PKD1L3: variants seen among roughly 807,000 people sequenced by gnomAD.
PKD1L3 encodes the protein polycystin-1-like protein 3.
PKD1L3 carries 239 observed loss-of-function variants against 184.1 expected under a neutral mutation model. The ratio of observed to expected loss-of-function variants is 1.30; its 90% CI spans 1.17 to 1.45. The LOEUF is 1.45. PKD1L3 is among the 40% of genes most tolerant of loss of function. PKD1L3 has a pLI of 0.00. For synonymous variants in PKD1L3, 996 were observed against 778.8 expected, an observed-to-expected ratio of 1.28 and a Z score of -4.64; for missense variants, 2,660 against 2,067.2, an observed-to-expected ratio of 1.29 and a Z score of -5.56.
At chr16:71,976,528 G>A (rs556171301) in intron 11 of PKD1L3, among the ~76,000 whole-genome samples, 57 of 151,178 alleles carry the variant, frequency 3.8e-4, no homozygotes, top group Admixed American at 6.6e-4. Context: ...AAGTGCTGGG[G>A]TTACAGGTAT....
intron 16 of PKD1L3, among the ~76,000 whole-genome samples, chr16:71,962,930 G>A (rs1239469763): frequency 2.0e-5 from 3 of 151,888 alleles, no homozygotes; most frequent in Admixed American, 6.6e-5. Flanking sequence ...TTTATTCCTA[G>A]ATATCTTAGT....
Position 71,986,453 on chromosome 16 carries a change from T to C in PKD1L3, c.602A>G (p.His201Arg), listed in dbSNP as rs1195411851. The C allele has an allele frequency of 3.0e-5, 46 of 1,551,648 alleles. No individual in the cohort carries two copies. The highest frequency in any genetic ancestry group is 3.4e-4 in the Middle Eastern group (2 of 5,960). The change falls in exon 5 of 30, where the codon CAT becomes CGT. Residue 201 changes from histidine (H) to arginine (R), a missense_variant. His to Arg is a conservative substitution (Grantham distance 29, BLOSUM62 0). Coordinates refer to ENST00000620267, the MANE Select transcript of PKD1L3 (RefSeq NM_181536.2). ...TACTGAAGGAAACTGGCTGATGGGA[T>C]GACACAGGGTCTTGGACTAAAAGAT... Reference protein sequence around the residue: ...LPAHLSKTLCHPISQFPSVLS... With the variant: ...LPAHLSKTLCRPISQFPSVLS...
At chr16:71,965,353 T>C (rs1175455519) in intron 15 of PKD1L3, among the ~76,000 whole-genome samples, 2 of 152,202 alleles carry the variant, frequency 1.3e-5, no homozygotes. Flanking sequence ...TGTGTACAGG[T>C]CTTGCAGTGG....
At chr16:71,967,877 G>C in intron 14 of PKD1L3, 29 bp downstream of exon 14, 1 of 1,515,440 alleles carries the variant, frequency 6.6e-7, no homozygotes, top group Middle Eastern at 1.7e-4. Context: ...AAGACACAAG[G>C]CAATGTGAAA....
rs761738186 is a variant in PKD1L3 at position 71,977,333 on chromosome 16, G to T, written c.1662C>A (p.Pro554=). 27 of 1,546,892 alleles carry T rather than the reference G, an allele frequency of 1.7e-5. No individual in the cohort carries two copies. The highest frequency in any genetic ancestry group is 2.2e-5 in the Non-Finnish European group (25 of 1,142,652). The change falls in exon 11 of 30, where the codon CCC becomes CCA. Residue 554 remains proline, a synonymous_variant. Transcript: ENST00000620267. ...SLIVSIDPDS[P]LLMTLYLGFQ... ...ACCCCAGGTAGAGTGTCATTAAAAG[G>T]GGACTGTCAGGATCTATGCTCACTA...
chr16:71,977,837 C>T (rs551673058), intron 10 of PKD1L3, among the ~76,000 whole-genome samples: 3 of 152,244 alleles, frequency 2.0e-5, no homozygotes, highest in South Asian at 2.1e-4. Context: ...TGCAGCAGTG[C>T]GATCTCAGCT....
At chr16:71,976,261 TG>T (rs2039917190) in intron 11 of PKD1L3, among the ~76,000 whole-genome samples, 1 of 129,588 alleles carries the variant, frequency 7.7e-6, no homozygotes, top group South Asian at 2.7e-4. Context: ...GTGCCCAGCC[TG>T]TCTTTTTTTT....
At chr16:71,936,506 C>G (rs2038181435) in intron 25 of PKD1L3, among the ~76,000 whole-genome samples, 3 of 146,980 alleles carry the variant, frequency 2.0e-5, no homozygotes, top group Non-Finnish European at 3.0e-5. Flanking sequence ...CCTGGCCAAT[C>G]ACTTTTTTTT....
intron 15 of PKD1L3, among the ~76,000 whole-genome samples, chr16:71,965,635 T>C (rs1003875381): frequency 6.6e-6 from 1 of 150,924 alleles, no homozygotes; most frequent in African/African-American, 2.4e-5. Flanking sequence ...CTCAACGCAA[T>C]CTCTGCCTCC....
chr16:71,929,739 TA>T, intron 29 of PKD1L3, 61 bp from the exon 30 acceptor site: 1 of 1,393,084 alleles, frequency 7.2e-7, no homozygotes, highest in Non-Finnish European at 9.7e-7. Context: ...AATAGTGGAG[TA>T]AAAAAAGTAC....
At chr16:71,991,188 T>C in intron 3 of PKD1L3, 1 of 208,242 alleles carries the variant, frequency 4.8e-6, no homozygotes, top group Admixed American at 4.6e-5. Flanking sequence ...GTGTCTCCTC[T>C]TGGAGTTGTA....
At chr16:71,944,357 G>A (rs1280061469) in intron 22 of PKD1L3, among the ~76,000 whole-genome samples, 187 bp from the exon 23 acceptor site, 1 of 152,004 alleles carries the variant, frequency 6.6e-6, no homozygotes, top group Admixed American at 6.6e-5. Flanking sequence ...AATCAATTGG[G>A]GACTGATACT....
chr16:71,982,041 T>C lies in PKD1L3; in HGVS notation c.1143+18A>G. 2 of 1,530,574 alleles carry C rather than the reference T, an allele frequency of 1.3e-6. No homozygotes were observed. Among genetic ancestry groups the C allele is most frequent in the Non-Finnish European group, 1.8e-6 (2 of 1,138,044 alleles). 94.8% of individuals were successfully genotyped at this position (1,530,574 alleles called of 1,614,324 possible). ...ATGCTTCTAAGCAGATCTGGCCACCTGCATATCTGGCACCTACCGGCTCAG... is the reference window on the plus strand; with the variant it reads ...ATGCTTCTAAGCAGATCTGGCCACCCGCATATCTGGCACCTACCGGCTCAG... On this transcript the variant is annotated intron_variant, in intron 7 of 29. Coordinates refer to ENST00000620267, the MANE Select transcript of PKD1L3 (RefSeq NM_181536.2).
rs941134312 is a variant in PKD1L3 at position 71,981,102 on chromosome 16, G to C, written c.1143+957C>G. Reference sequence around the variant, plus strand: ...AATATTCCATTGTATGAATAGACCAGATTCTACTTAGCCATCCATTAGATC... The same window carrying C: ...AATATTCCATTGTATGAATAGACCACATTCTACTTAGCCATCCATTAGATC... On this transcript the variant is annotated intron_variant, in intron 7 of 29. Transcript: ENST00000620267. 3.9e-5 allele frequency among the ~76,000 whole-genome samples: 6 copies of C among 152,294 alleles called. No individual in the cohort carries two copies. In the East Asian group the frequency reaches 9.6e-4, roughly 24 times the overall value.
intron 11 of PKD1L3, among the ~76,000 whole-genome samples, chr16:71,975,712 A>G (rs2039892668): frequency 6.6e-6 from 1 of 152,150 alleles, no homozygotes; most frequent in Non-Finnish European, 1.5e-5. Context: ...CCTTACATAC[A>G]TATCCTTATC....
intron 5 of PKD1L3, among the ~76,000 whole-genome samples, chr16:71,985,240 T>C (rs2040311710): frequency 6.6e-6 from 1 of 152,108 alleles, no homozygotes; most frequent in Non-Finnish European, 1.5e-5. Flanking sequence ...CTCCTGTAGG[T>C]CAGTTTCTCC....
chr16:71,967,379 T>G, intron 14 of PKD1L3, 64 bp from the exon 15 acceptor site: 1 of 1,439,494 alleles, frequency 6.9e-7, no homozygotes, highest in Non-Finnish European at 9.3e-7. Flanking sequence ...GGTTTATCCC[T>G]AAGGAGAAAG....
In PKD1L3 at chr16:71,996,061, T is replaced by C. The variant is rs566236148; in HGVS notation, c.418+2211A>G. Among the ~76,000 whole-genome samples the C allele has an allele frequency of 4.6e-5, 7 of 152,268 alleles. No homozygotes were observed. The East Asian group carries it at 7.7e-4, about 17-fold the overall frequency. ...GTGCATTTTTCTTTTTTTTAAAAAA[T>C]GTAACTTATTATTTTGAGATAATTG... On this transcript the variant is annotated intron_variant, in intron 2 of 29. Coordinates refer to ENST00000620267, the MANE Select transcript of PKD1L3 (RefSeq NM_181536.2).
intron 4 of PKD1L3, among the ~76,000 whole-genome samples, chr16:71,988,445 T>G (rs2040460616): frequency 1.3e-5 from 2 of 152,300 alleles, no homozygotes; most frequent in South Asian, 4.1e-4. Context: ...TCCACCCACC[T>G]TGGCCTCCCA....
Sources: gnomAD v4.1 joint callset for allele counts (sites outside exome capture counted in the v4.1 genomes callset) on GRCh38, gnomAD v4.1.1 for gene constraint, MANE v1.5 for transcripts, NCBI Gene and HGNC (gene_info 2026-07-23, HGNC 2026-07-21) for gene names.